ANKLE1: variants seen among roughly 807,000 people sequenced by gnomAD.
ANKLE1 encodes the protein structure-specific endonuclease ANKLE1.
Under a neutral mutation model 56.2 loss-of-function variants are expected in ANKLE1, and 59 were observed. The ratio of observed to expected loss-of-function variants is 1.05; its 90% CI spans 0.85 to 1.30. The LOEUF (loss-of-function observed/expected upper bound fraction) is 1.30, where lower values mean the gene tolerates loss of function less well. ANKLE1 is among the 50% of genes most tolerant of loss of function. ANKLE1 has a pLI of 0.00. For missense variants in ANKLE1, 771 were observed against 816.1 expected (o/e 0.94, Z 0.67); for synonymous variants, 341 against 352.9 (o/e 0.97, Z 0.38).
In ANKLE1 at chr19:17,282,081, C is replaced by T. The variant is rs369002862; in HGVS notation, c.87C>T (p.Cys29=). 6.5e-7 allele frequency: 1 copy of T among 1,540,200 alleles called. No individual in the cohort carries two copies. Residue 29 remains cysteine (C), a synonymous_variant, in exon 2 of 9, where the codon TGC becomes TGT. Coordinates refer to ENST00000404085, the MANE Select transcript of ANKLE1 (RefSeq NM_152363.6). ...EPWAVEELLR[C]GADPNLVLED... The stretch of plus-strand genomic sequence containing the variant: ...GGGCAGTAGAGGAGCTGCTGCGCTG[C>T]GGCGCGGACCCTAATTTGGTGCTAG...
rs1171548699 is a variant in ANKLE1 at position 17,282,158 on chromosome 19, G to C, written c.164G>C (p.Gly55Ala). The change falls in exon 2 of 9, where the codon GGC becomes GCC. Residue 55 changes from glycine to alanine, a missense_variant. Transcript: ENST00000404085. ...HLAAGARHPRGLRCLGALLRQ... is the reference protein window; with the variant it reads ...HLAAGARHPRALRCLGALLRQ... ...GCGGCCGGAGCCCGGCACCCGCGCGGCCTGCGTTGCCTCGGGGCCCTACTG... is the reference window on the plus strand; with the variant it reads ...GCGGCCGGAGCCCGGCACCCGCGCGCCCTGCGTTGCCTCGGGGCCCTACTG... 1 of 1,536,246 alleles carries C rather than the reference G, an allele frequency of 6.5e-7. No individual in the cohort carries two copies. The highest frequency in any genetic ancestry group is 1.2e-5 in the South Asian group (1 of 83,520).
rs1176234750 is a variant in ANKLE1, at chr19:17,283,271, A to G, written c.507A>G (p.Ala169=). ...CCGATGAGACGCTGGACTCCATAGCACTCCAAAAGCAGCCATGCAGAGGTG... is the reference window on the plus strand; with the variant it reads ...CCGATGAGACGCTGGACTCCATAGCGCTCCAAAAGCAGCCATGCAGAGGTG... ...GPTDETLDSI[A]LQKQPCRGDN... Residue 169 remains alanine (A), a synonymous_variant, in exon 5 of 9, where the codon GCA becomes GCG. Coordinates refer to ENST00000404085, the MANE Select transcript of ANKLE1 (RefSeq NM_152363.6). 2 of 1,613,058 alleles carry G rather than the reference A, an allele frequency of 1.2e-6. No homozygotes were observed. Among genetic ancestry groups the G allele is most frequent in the Non-Finnish European group, 1.7e-6 (2 of 1,179,794 alleles).
At chr19:17,285,017 T>C (rs2074016259) in intron 6 of ANKLE1, among the ~76,000 whole-genome samples, 1 of 151,784 alleles carries the variant, frequency 6.6e-6, no homozygotes, top group African/African-American at 2.4e-5. Context: ...ACCAGCACTT[T>C]GGGAGGCTGA....
chr19:17,284,682 CTCTTT>C (rs2074013004), intron 6 of ANKLE1, among the ~76,000 whole-genome samples: 2 of 52,620 alleles, frequency 3.8e-5, no homozygotes, highest in African/African-American at 1.5e-4. Flanking sequence ...CCGCACCGGC[CTCTTT>C]TTTTTTTTTT....
chr19:17,285,643 G>A, intron 7 of ANKLE1, 38 bp from the exon 8 acceptor site: 3 of 1,613,900 alleles, frequency 1.9e-6, no homozygotes, highest in Non-Finnish European at 2.5e-6. Flanking sequence ...ATGGGCAGGG[G>A]AGGGTATTGG....
In ANKLE1 at chr19:17,284,172, G is replaced by C. The variant is rs35494355; in HGVS notation, c.1282G>C (p.Ala428Pro). The change falls in exon 6 of 9, where the codon GCG becomes CCG. Residue 428 changes from alanine (A) to proline (P), a missense_variant. Ala to Pro is a conservative substitution (Grantham distance 27). Transcript: ENST00000404085. ...CIPDVQADEDALAQQFEQPDP... is the reference protein window; with the variant it reads ...CIPDVQADEDPLAQQFEQPDP... ...TCCAGATGTCCAGGCAGATGAAGACGCGCTGGCCCAGCAGTTTGAGCAGCC... is the reference window on the plus strand; with the variant it reads ...TCCAGATGTCCAGGCAGATGAAGACCCGCTGGCCCAGCAGTTTGAGCAGCC... 3.1e-6 allele frequency: 5 copies of C among 1,613,744 alleles called. No individual in the cohort carries two copies. In the South Asian group the frequency reaches 4.4e-5, roughly 14 times the overall value.
chr19:17,285,886 T>C lies in ANKLE1; in HGVS notation c.1675+67T>C, dbSNP rs1373754111. The C allele has an allele frequency of 8.4e-5, 134 of 1,590,048 alleles. No individual in the cohort carries two copies. The East Asian group carries it at 2.9e-3, about 35-fold the overall frequency. On this transcript the variant is annotated intron_variant, in intron 8 of 8. Coordinates refer to ENST00000404085, the MANE Select transcript of ANKLE1 (RefSeq NM_152363.6). ...TTTGGCTTCCCAGTTCCCTCATTTT[T>C]TTCCTTCTGAGGGGTGTTCATTTGT...
Position 17,285,539 on chromosome 19 carries a change from A to C in ANKLE1, c.1485A>C (p.Pro495=). ...TGGGCAAAGGGACGAGGGCCCGGCC[A>C]TATGTCCACCTCTGGGAGGCCCTTG... ...FYVGKGTRAR[P]YVHLWEALGH... is the part of the protein sequence containing the mutation. The change falls in exon 7 of 9, where the codon CCA becomes CCC. Residue 495 remains proline (P), a synonymous_variant. Transcript: ENST00000404085. The C allele has an allele frequency of 6.2e-7, 1 of 1,613,944 alleles. No homozygotes were observed. The highest frequency in any genetic ancestry group is 1.1e-5 in the South Asian group (1 of 91,086).
Position 17,286,611 on chromosome 19 carries a change from A to G in ANKLE1, c.*59A>G, listed in dbSNP as rs2074034039. On this transcript the variant is annotated 3_prime_UTR_variant, in exon 9 of 9. Transcript: ENST00000404085. The stretch of plus-strand genomic sequence containing the variant: ...AATGTTTGAATGTTCCAGCTGCCCC[A>G]TGCTGACAGCAGCCCCCATCTCTGG... 2 of 1,550,570 alleles carry G rather than the reference A, an allele frequency of 1.3e-6. No individual in the cohort carries two copies. Among genetic ancestry groups the G allele is most frequent in the South Asian group, 1.2e-5 (1 of 84,336 alleles).
rs756606366 is a variant in ANKLE1, at chr19:17,286,466, G to A, written c.1762G>A (p.Val588Met). The change falls in exon 9 of 9, where the codon GTG (valine) becomes ATG (methionine). Residue 588 changes from valine (V) to methionine (M), a missense_variant. Transcript: ENST00000404085. The stretch of plus-strand genomic sequence containing the variant: ...ACCTGCTCGTCGCCGGCGCTTGGGG[G>A]TGCACCTGCTGCACCGTGCCCTCCT... Reference protein sequence around the residue: ...WPPARRRRLGVHLLHRALLVF... With the variant: ...WPPARRRRLGMHLLHRALLVF... The A allele has an allele frequency of 1.2e-6, 2 of 1,612,702 alleles. No individual in the cohort carries two copies. The highest frequency in any genetic ancestry group is 2.2e-5 in the East Asian group (1 of 44,880).
intron 6 of ANKLE1, among the ~76,000 whole-genome samples, chr19:17,284,503 C>T (rs934466280): frequency 5.9e-5 from 9 of 152,040 alleles, no homozygotes; most frequent in African/African-American, 2.2e-4. Flanking sequence ...CTTGTCTCAG[C>T]CTCTCAAGTA....
chr19:17,282,784 AAG>A, intron 3 of ANKLE1, 23 bp downstream of exon 3: 1 of 1,562,842 alleles, frequency 6.4e-7, no homozygotes, highest in Non-Finnish European at 8.6e-7. Context: ...TGCGCGGGCA[AAG>A]AAAGGCTGGG....
chr19:17,283,577 GA>G lies in ANKLE1; in HGVS notation c.815del (p.Asn272MetfsTer7), dbSNP rs536074949. 1.9e-4 allele frequency: 309 copies of G among 1,612,468 alleles called. 2 individuals are homozygous for G. The South Asian group carries it at 3.2e-3, about 17-fold the overall frequency. On this transcript the variant is annotated frameshift_variant, in exon 5 of 9. Coordinates refer to ENST00000404085, the MANE Select transcript of ANKLE1 (RefSeq NM_152363.6). LOFTEE classifies it high-confidence loss of function. ...PRSQGTEAEL[N>X]ARLQALTLTP... ...GGTCTCAGGGCACGGAGGCAGAACT[GA>G]ATGCCCGTCTGCAGGCCCTGACTCT...
chr19:17,286,509 G>A lies in ANKLE1; in HGVS notation c.1805G>A (p.Gly602Asp), dbSNP rs1568343284. The change falls in exon 9 of 9, where the codon GGC becomes GAC. Residue 602 changes from glycine (G) to aspartate (D), a missense_variant. Physicochemically the swap from Gly to Asp is moderately conservative, Grantham distance 94 (BLOSUM62 -1). Coordinates refer to ENST00000404085, the MANE Select transcript of ANKLE1 (RefSeq NM_152363.6). Reference protein sequence around the residue: ...HRALLVFLAEGERQLHPQDIQ... With the variant: ...HRALLVFLAEDERQLHPQDIQ... Reference sequence around the variant, plus strand: ...GCCCTCCTTGTCTTCCTGGCTGAAGGCGAGCGACAGCTTCATCCCCAGGAC... The same window carrying A: ...GCCCTCCTTGTCTTCCTGGCTGAAGACGAGCGACAGCTTCATCCCCAGGAC... 1.5e-5 allele frequency: 24 copies of A among 1,611,706 alleles called. No homozygotes were observed. The highest frequency in any genetic ancestry group is 1.7e-5 in the Non-Finnish European group (20 of 1,179,338).
In ANKLE1 at chr19:17,286,625, C is replaced by T; in HGVS notation, c.*73C>T. The T allele has an allele frequency of 1.3e-6, 2 of 1,545,574 alleles. No homozygotes were observed. Among genetic ancestry groups the T allele is most frequent in the Non-Finnish European group, 1.7e-6 (2 of 1,147,070 alleles). ...CCAGCTGCCCCATGCTGACAGCAGC[C>T]CCCATCTCTGGTTTCAGAAGGGGTG... On this transcript the variant is annotated 3_prime_UTR_variant, in exon 9 of 9. Transcript: ENST00000404085.
At position 17,285,740 on chromosome 19, in the gene ANKLE1, T is replaced by C. The variant is rs751599; in HGVS notation, c.1596T>C (p.Gly532=). The C allele has an allele frequency of 0.78, 1,251,584 of 1,613,504 alleles. 494,451 individuals are homozygous for C. The highest frequency in any genetic ancestry group is 0.81 in the Non-Finnish European group (955,490 of 1,179,784). ...TGGACATCTGGGCCAGTGGTTGCGGTGTTGTGTCCCTACATTGCTTCCAGC... is the reference window on the plus strand; with the variant it reads ...TGGACATCTGGGCCAGTGGTTGCGGCGTTGTGTCCCTACATTGCTTCCAGC... The part of the protein sequence containing the change: ...QILDIWASGC[G]VVSLHCFQHV... The change falls in exon 8 of 9, where the codon GGT becomes GGC. Residue 532 remains glycine, a synonymous_variant. Transcript: ENST00000404085.
At chr19:17,284,608 T>C (rs928546188) in intron 6 of ANKLE1, among the ~76,000 whole-genome samples, 71 of 150,958 alleles carry the variant, frequency 4.7e-4, no homozygotes, top group African/African-American at 1.4e-3. Flanking sequence ...GGTCTCGAAC[T>C]CCTGACCTCA....
At chr19:17,283,148 CT>C in intron 4 of ANKLE1, 76 bp from the exon 5 acceptor site, 1 of 1,554,486 alleles carries the variant, frequency 6.4e-7, no homozygotes, top group South Asian at 1.2e-5. Flanking sequence ...CTCTGATCTC[CT>C]TTTTCTGTTT....
rs867714566 is a variant in ANKLE1, at chr19:17,283,476, C to G, written c.712C>G (p.Pro238Ala). The G allele has an allele frequency of 6.2e-7, 1 of 1,612,438 alleles. No individual in the cohort carries two copies. Among genetic ancestry groups the G allele is most frequent in the Non-Finnish European group, 8.5e-7 (1 of 1,179,180 alleles). Residue 238 changes from proline (P) to alanine (A), a missense_variant, in exon 5 of 9, where the codon CCC (proline) becomes GCC (alanine). Coordinates refer to ENST00000404085, the MANE Select transcript of ANKLE1 (RefSeq NM_152363.6). The stretch of plus-strand genomic sequence containing the variant: ...AGCTGAGGACCCAGCCTCGGACACT[C>G]CCCCCTGGGCTGGGTCATTGCCACC... ...SGAEDPASDT[P>A]PWAGSLPPTR...
Sources: allele counts gnomAD v4.1 joint callset (sites outside exome capture counted in the v4.1 genomes callset), GRCh38; gene constraint gnomAD v4.1.1; transcripts MANE v1.5; gene names NCBI Gene and HGNC (gene_info 2026-07-23, HGNC 2026-07-21).